Variants in GRAMD1B observed in about 807,000 individuals in gnomAD.
The protein encoded by GRAMD1B is protein Aster-B.
In GRAMD1B, 37 loss-of-function variants were observed where a neutral mutation model predicts 99.7. That is an observed-to-expected ratio of 0.37 (90% CI 0.29 to 0.49). The LOEUF (loss-of-function observed/expected upper bound fraction) is 0.49. Among genes scored for constraint, GRAMD1B ranks in the 20% least tolerant of loss-of-function variants. The probability of loss-of-function intolerance (pLI) is 0.98; values close to 1 mark genes in which losing one functional copy is unlikely to be tolerated. For missense variants in GRAMD1B, 888 were observed against 1,009.2 expected (o/e 0.88, Z 1.63); for synonymous variants, 427 against 387.6 (o/e 1.10, Z -1.19).
intron 1 of GRAMD1B, 55 bp from the exon 2 acceptor site, chr11:123,480,761 C>G (rs1951552617): frequency 1.8e-5 from 7 of 398,754 alleles, no homozygotes; most frequent in Non-Finnish European, 2.7e-5. Context: ...GTGACCTCCC[C>G]CAGGGTTGAG....
intron 4 of GRAMD1B, among the ~76,000 whole-genome samples, chr11:123,586,624 G>A (rs1179674982): frequency 6.6e-6 from 1 of 152,208 alleles, no homozygotes; most frequent in Non-Finnish European, 1.5e-5. Context: ...CTCCTTAGGA[G>A]CTGCAGCTGA....
At position 123,535,917 on chromosome 11, in the gene GRAMD1B, C is replaced by T. The variant is rs1331275954; in HGVS notation, c.453-41450C>T. ...TTCCTGAGTCTGGGTTTCAGAGTCT[C>T]CCACTTGGAGGTGGCAGGCTATGCT... On this transcript the variant is annotated intron_variant, in intron 2 of 19. Transcript: ENST00000635736. Among the ~76,000 whole-genome samples, 3 of 152,184 alleles carry T rather than the reference C, an allele frequency of 2.0e-5. 1 individual carries two copies. In the Middle Eastern group the frequency reaches 0.01, roughly 518 times the overall value.
chr11:123,366,085 A>G (rs2135703944), intron 1 of GRAMD1B, among the ~76,000 whole-genome samples: 3 of 152,342 alleles, frequency 2.0e-5, no homozygotes, highest in East Asian at 3.9e-4. Context: ...GGCTGGGGCC[A>G]TTCCCTCTAT....
chr11:123,405,812 G>A (rs1019340081), intron 1 of GRAMD1B, among the ~76,000 whole-genome samples: 1 of 152,126 alleles, frequency 6.6e-6, no homozygotes, highest in Non-Finnish European at 1.5e-5. Context: ...AATGAATTTA[G>A]GGAGTTATGA....
chr11:123,387,312 G>A (rs142963658), intron 1 of GRAMD1B, among the ~76,000 whole-genome samples: 19 of 152,212 alleles, frequency 1.2e-4, no homozygotes, highest in Non-Finnish European at 2.2e-4. Context: ...CTGGAGTCAC[G>A]GCTCGCAGTG....
chr11:123,384,133 G>T (rs1010740889), intron 1 of GRAMD1B, among the ~76,000 whole-genome samples: 1 of 152,262 alleles, frequency 6.6e-6, no homozygotes, highest in Non-Finnish European at 1.5e-5. Context: ...GCCTCCCAAA[G>T]TGCTGAGATT....
At chr11:123,615,074 G>A (rs559130291) in intron 17 of GRAMD1B, among the ~76,000 whole-genome samples, 120 of 152,332 alleles carry the variant, frequency 7.9e-4, no homozygotes, top group Middle Eastern at 3.4e-3. Context: ...AATGCTTCAT[G>A]CAGCATCCAT....
chr11:123,450,320 T>C (rs1053430780), intron 1 of GRAMD1B, among the ~76,000 whole-genome samples: 1 of 152,198 alleles, frequency 6.6e-6, no homozygotes, highest in African/African-American at 2.4e-5. Flanking sequence ...CAACAGTTGT[T>C]CCTCCTGCAG....
At chr11:123,500,002 A>T (rs1207615313) in intron 2 of GRAMD1B, among the ~76,000 whole-genome samples, 1 of 152,194 alleles carries the variant, frequency 6.6e-6, no homozygotes, top group Non-Finnish European at 1.5e-5. Flanking sequence ...AATGATGGAT[A>T]GGTTCAACTG....
intron 2 of GRAMD1B, among the ~76,000 whole-genome samples, chr11:123,551,366 A>G (rs1446825151): frequency 6.6e-6 from 1 of 152,196 alleles, no homozygotes; most frequent in East Asian, 1.9e-4. Flanking sequence ...GGAAAGGAGT[A>G]TCATGCCCAG....
intron 1 of GRAMD1B, among the ~76,000 whole-genome samples, chr11:123,399,608 G>GTATT (rs59870444): frequency 0.29 from 43,563 of 150,806 alleles, 6,510 homozygotes; most frequent in African/African-American, 0.38. Context: ...CTTACCTTTT[G>GTATT]TATTTATTTA....
intron 2 of GRAMD1B, among the ~76,000 whole-genome samples, chr11:123,483,702 A>C (rs541545029): frequency 7.5e-4 from 114 of 152,020 alleles, no homozygotes; most frequent in Non-Finnish European, 7.5e-4. Flanking sequence ...TTCTGACCAC[A>C]CTTGACTGTG....
rs1953091729 is a variant in GRAMD1B, at chr11:123,608,712, G to A, written c.1567G>A (p.Val523Ile). 1 of 1,561,708 alleles carries A rather than the reference G, an allele frequency of 6.4e-7. No homozygotes were observed. The highest frequency in any genetic ancestry group is 1.9e-5 in the Admixed American group (1 of 52,344). Residue 523 changes from valine (V) to isoleucine (I), a missense_variant, in exon 12 of 20, where the codon GTC (valine) becomes ATC (isoleucine). Transcript: ENST00000635736. ...DLSGRQYVNE[V>I]FNFSVDKLYD... ...GAGTGGCCGGCAGTACGTGAATGAA[G>A]TCTTCAACTTCAGCGTGGACAAGCT...
At chr11:123,614,556 A>G (rs1037841041) in intron 16 of GRAMD1B, among the ~76,000 whole-genome samples, 189 bp from the exon 17 acceptor site, 2 of 152,140 alleles carry the variant, frequency 1.3e-5, no homozygotes, top group Non-Finnish European at 2.9e-5. Context: ...GACCCAACCC[A>G]TGACCTTGCC....
chr11:123,457,117 A>AGAAAGAAAGAAAAAG, intron 1 of GRAMD1B, among the ~76,000 whole-genome samples: 1 of 99,500 alleles, frequency 1.0e-5, no homozygotes, highest in African/African-American at 3.6e-5. Flanking sequence ...TTCTGAGAAA[A>AGAAAGAAAGAAAAAG]AAAGAAAGAA....
chr11:123,411,666 A>AT (rs1321552003), intron 1 of GRAMD1B, among the ~76,000 whole-genome samples: 5 of 151,840 alleles, frequency 3.3e-5, no homozygotes, highest in Admixed American at 3.3e-4. Context: ...TATCATTATT[A>AT]TTTTTTGAGG....
chr11:123,551,266 T>G (rs1945583028), intron 2 of GRAMD1B, among the ~76,000 whole-genome samples: 1 of 152,202 alleles, frequency 6.6e-6, no homozygotes, highest in African/African-American at 2.4e-5. Flanking sequence ...GCTGCTTCCT[T>G]TAATCCAGGG....
chr11:123,527,118 G>T (rs1942857214), intron 2 of GRAMD1B, among the ~76,000 whole-genome samples: 1 of 152,170 alleles, frequency 6.6e-6, no homozygotes, highest in African/African-American at 2.4e-5. Flanking sequence ...AGGAGGATGA[G>T]CTTGGGAGAG....
intron 2 of GRAMD1B, among the ~76,000 whole-genome samples, chr11:123,523,188 C>A (rs537085495): frequency 6.6e-6 from 1 of 152,162 alleles, no homozygotes; most frequent in East Asian, 1.9e-4. Context: ...AAAAATTAAC[C>A]GGGCATCGTG....
Sources: gnomAD v4.1 joint callset for allele counts (sites outside exome capture counted in the v4.1 genomes callset) on GRCh38, gnomAD v4.1.1 for gene constraint, MANE v1.5 for transcripts, NCBI Gene and HGNC (gene_info 2026-07-23, HGNC 2026-07-21) for gene names.